GABRB1: variants seen among roughly 807,000 people sequenced by gnomAD.
GABRB1 encodes gamma-aminobutyric acid type A receptor subunit beta1.
GABRB1 carries 17 observed loss-of-function variants against 51.6 expected under a neutral mutation model. That is an observed-to-expected ratio of 0.33 (90% CI 0.23 to 0.49). The LOEUF (loss-of-function observed/expected upper bound fraction) is 0.49, where lower values mean the gene tolerates loss of function less well. Among genes scored for constraint, GABRB1 ranks in the 20% least tolerant of loss-of-function variants. The pLI is 0.99. For synonymous variants in GABRB1, 247 were observed against 218.9 expected (o/e 1.13, Z -1.14); for missense variants, 410 against 600.6 (o/e 0.68, Z 3.32).
chr4:46,995,574 G>T (rs1346885572), intron 1 of GABRB1, among the ~76,000 whole-genome samples: 6 of 152,012 alleles, frequency 3.9e-5, no homozygotes, highest in African/African-American at 1.4e-4. Flanking sequence ...GATGTCACCA[G>T]GCTACCCTCA....
Position 47,036,993 on chromosome 4 carries a change from A to G in GABRB1, c.240+4509A>G, listed in dbSNP as rs190989401. Among the ~76,000 whole-genome samples the G allele has an allele frequency of 3.3e-4, 50 of 152,338 alleles. No homozygotes were observed. In the East Asian group the frequency reaches 7.7e-3, roughly 24 times the overall value. On this transcript the variant is annotated intron_variant, in intron 3 of 8. Coordinates refer to ENST00000295454, the MANE Select transcript of GABRB1 (RefSeq NM_000812.4). ...TAGCTGTTCTCTAAAGGGAAAGTTAATGCCATAATTGATGATGATGATGAT... is the reference window on the plus strand; with the variant it reads ...TAGCTGTTCTCTAAAGGGAAAGTTAGTGCCATAATTGATGATGATGATGAT...
chr4:47,295,764 A>C (rs531172301), intron 4 of GABRB1, among the ~76,000 whole-genome samples: 6 of 152,336 alleles, frequency 3.9e-5, no homozygotes, highest in Non-Finnish European at 7.3e-5. Context: ...AGAATGCCAC[A>C]AAGATACTCC....
chr4:47,284,195 G>A (rs1035286540), intron 4 of GABRB1, among the ~76,000 whole-genome samples: 2 of 151,128 alleles, frequency 1.3e-5, no homozygotes, highest in African/African-American at 4.9e-5. Context: ...TCTGTCCCTC[G>A]AGATTGACAG....
chr4:47,095,561 G>C (rs897430657), intron 3 of GABRB1, among the ~76,000 whole-genome samples: 1 of 152,158 alleles, frequency 6.6e-6, no homozygotes, highest in Non-Finnish European at 1.5e-5. Context: ...TGAGGCCTGG[G>C]AAAACACTAG....
upstream of GABRB1, among the ~76,000 whole-genome samples, chr4:47,030,687 A>T (rs1421100863): frequency 6.6e-6 from 1 of 152,234 alleles, no homozygotes; most frequent in East Asian, 1.9e-4. Flanking sequence ...GATTTAATTC[A>T]AACAATACTT....
At chr4:47,267,882 G>A (rs1722702489) in intron 4 of GABRB1, among the ~76,000 whole-genome samples, 1 of 152,098 alleles carries the variant, frequency 6.6e-6, no homozygotes. Context: ...AAGTTGTCAT[G>A]TTGAAAGACT....
chr4:47,347,989 G>A lies in GABRB1; in HGVS notation c.544+27780G>A, dbSNP rs539386376. Among the ~76,000 whole-genome samples, 25 of 152,256 alleles carry A rather than the reference G, an allele frequency of 1.6e-4. No homozygotes were observed. In the East Asian group the frequency reaches 4.6e-3, roughly 28 times the overall value. On this transcript the variant is annotated intron_variant, in intron 5 of 8. Transcript: ENST00000295454. Reference sequence around the variant, plus strand: ...TAACATAAAAATCATTGTTAATGAGGCAAATGACTCTGGAGAAAACGTTTT... The same window carrying A: ...TAACATAAAAATCATTGTTAATGAGACAAATGACTCTGGAGAAAACGTTTT...
intron 3 of GABRB1, among the ~76,000 whole-genome samples, chr4:47,143,993 T>C (rs1387500589): frequency 2.0e-5 from 3 of 151,958 alleles, no homozygotes; most frequent in Admixed American, 1.3e-4. Context: ...AATATATGTA[T>C]AAATACTTTT....
intron 3 of GABRB1, among the ~76,000 whole-genome samples, chr4:47,149,297 C>G (rs917828896): frequency 6.6e-6 from 1 of 151,922 alleles, no homozygotes; most frequent in Non-Finnish European, 1.5e-5. Context: ...CTGCATTGTT[C>G]TGTAACATAT....
At chr4:47,261,262 T>G (rs1049752007) in intron 4 of GABRB1, among the ~76,000 whole-genome samples, 2 of 152,188 alleles carry the variant, frequency 1.3e-5, no homozygotes, top group Admixed American at 1.3e-4. Flanking sequence ...AAATTGTCCC[T>G]GTTTGCAGAT....
chr4:47,283,118 T>C (rs1313322216), intron 4 of GABRB1, among the ~76,000 whole-genome samples: 1 of 152,112 alleles, frequency 6.6e-6, no homozygotes, highest in Non-Finnish European at 1.5e-5. Flanking sequence ...ACCCTGAACA[T>C]GTTTAGAGGC....
At chr4:47,351,189 C>T (rs1448022465) in intron 5 of GABRB1, among the ~76,000 whole-genome samples, 1 of 152,108 alleles carries the variant, frequency 6.6e-6, no homozygotes, top group Non-Finnish European at 1.5e-5. Context: ...TAGGTCTCTG[C>T]CATGGCACCA....
At chr4:47,382,198 C>A (rs775893042) in intron 5 of GABRB1, among the ~76,000 whole-genome samples, 7 of 152,108 alleles carry the variant, frequency 4.6e-5, no homozygotes, top group African/African-American at 9.7e-5. Context: ...TAGCTATAGG[C>A]CAGGGTTTTT....
chr4:47,114,741 GCTA>G (rs1715391830), intron 3 of GABRB1, among the ~76,000 whole-genome samples: 1 of 152,094 alleles, frequency 6.6e-6, no homozygotes. Flanking sequence ...ACTTGTACTA[GCTA>G]CATAATTTAC....
At chr4:47,310,236 C>A (rs1008818816) in intron 4 of GABRB1, among the ~76,000 whole-genome samples, 4 of 152,130 alleles carry the variant, frequency 2.6e-5, no homozygotes, top group African/African-American at 9.7e-5. Flanking sequence ...GAGAAATAAG[C>A]ACACCTTACC....
chr4:47,126,394 TAAG>T (rs562144551), intron 3 of GABRB1, among the ~76,000 whole-genome samples: 98 of 152,264 alleles, frequency 6.4e-4, no homozygotes, highest in Non-Finnish European at 1.2e-3. Context: ...TGCAATTTGA[TAAG>T]AAAGTTGATT....
chr4:47,088,200 T>C (rs1047238103), intron 3 of GABRB1, among the ~76,000 whole-genome samples: 9 of 152,194 alleles, frequency 5.9e-5, no homozygotes, highest in African/African-American at 1.7e-4. Flanking sequence ...CAAACATTTA[T>C]TGAACACTAA....
intron 5 of GABRB1, among the ~76,000 whole-genome samples, chr4:47,402,934 A>G (rs894330202): frequency 6.6e-6 from 1 of 152,174 alleles, no homozygotes; most frequent in African/African-American, 2.4e-5. Flanking sequence ...TATGTGCTCA[A>G]TTATTATTAC....
chr4:47,056,295 T>C (rs1416737288), intron 3 of GABRB1, among the ~76,000 whole-genome samples: 7 of 152,206 alleles, frequency 4.6e-5, no homozygotes, highest in African/African-American at 1.7e-4. Context: ...CTTTCTTCTT[T>C]TAGGAAGCCA....
Sources: allele counts gnomAD v4.1 joint callset (sites outside exome capture counted in the v4.1 genomes callset), GRCh38; gene constraint gnomAD v4.1.1; transcripts MANE v1.5; gene names NCBI Gene and HGNC (gene_info 2026-07-23, HGNC 2026-07-21).